The following DNAH6 variants were observed in gnomAD, a reference collection of about 807,000 sequenced individuals.
The protein encoded by DNAH6 is axonemal beta dynein heavy chain 6.
In DNAH6, 340 loss-of-function variants were observed where a neutral mutation model predicts 491.4. The ratio of observed to expected loss-of-function variants is 0.69; its 90% CI spans 0.63 to 0.76. The LOEUF (loss-of-function observed/expected upper bound fraction) is 0.76. Ranked by LOEUF, DNAH6 falls within the 30% of genes least tolerant of loss-of-function variation. The pLI, the probability that DNAH6 is intolerant of heterozygous loss-of-function variation, is 0.00. For missense variants in DNAH6, 4,443 were observed against 4,972.2 expected (o/e 0.89, Z 3.20); for synonymous variants, 1,603 against 1,686.1 (o/e 0.95, Z 1.21).
intron 40 of DNAH6, among the ~76,000 whole-genome samples, chr2:84,673,507 G>T (rs926405000): frequency 4.6e-5 from 7 of 152,142 alleles, no homozygotes; most frequent in Non-Finnish European, 8.8e-5. Flanking sequence ...TGTTAGTCAG[G>T]GTTCTCTAGA....
At chr2:84,611,911 CTTT>C (rs1461516670) in intron 22 of DNAH6, 57 bp downstream of exon 22, 3 of 1,429,172 alleles carry the variant, frequency 2.1e-6, no homozygotes, top group Non-Finnish European at 2.8e-6. Context: ...TAGTCTGGGA[CTTT>C]AGTCCCAGAC....
At chr2:84,690,096 A>AAATAAAT (rs1694697738) in intron 45 of DNAH6, among the ~76,000 whole-genome samples, 1 of 152,232 alleles carries the variant, frequency 6.6e-6, no homozygotes, top group Admixed American at 6.5e-5. Context: ...TGGAATAAAT[A>AAATAAAT]CAGTAAAATA....
chr2:84,558,423 A>T (rs909260690), intron 11 of DNAH6, among the ~76,000 whole-genome samples: 4 of 133,300 alleles, frequency 3.0e-5, no homozygotes, highest in Non-Finnish European at 6.4e-5. Context: ...GACTCCATCT[A>T]AAAAAAAAAA....
At chr2:84,677,666 A>G (rs529849679) in intron 41 of DNAH6, among the ~76,000 whole-genome samples, 3 of 152,260 alleles carry the variant, frequency 2.0e-5, no homozygotes, top group African/African-American at 7.2e-5. Context: ...CATCCTTTAT[A>G]TGGGAAAAAT....
chr2:84,475,424 C>CT, the DNAH6 span, among the ~76,000 whole-genome samples: 377 of 152,320 alleles, frequency 2.5e-3, no homozygotes, highest in African/African-American at 8.6e-3. Context: ...CAGTGATGGC[C>CT]TTTTTCACAA....
Position 84,653,793 on chromosome 2 carries a change from A to G in DNAH6, c.5553A>G (p.Thr1851=), listed in dbSNP as rs1690685126. 2 of 1,551,504 alleles carry G rather than the reference A, an allele frequency of 1.3e-6. No homozygotes were observed. Among genetic ancestry groups the G allele is most frequent in the Non-Finnish European group, 1.7e-6 (2 of 1,146,732 alleles). The change falls in exon 34 of 77, where the codon ACA becomes ACG. Residue 1851 remains threonine (T), a synonymous_variant. Coordinates refer to ENST00000389394, the MANE Select transcript of DNAH6 (RefSeq NM_001370.2). ...VDALWIENMN[T]VLDDNKMLCL... Reference sequence around the variant, plus strand: ...CTCTTTGGATTGAAAACATGAATACAGTGCTGGATGATAACAAGATGCTTT... The same window carrying G: ...CTCTTTGGATTGAAAACATGAATACGGTGCTGGATGATAACAAGATGCTTT...
chr2:84,636,730 A>T (rs538155361), intron 30 of DNAH6, among the ~76,000 whole-genome samples: 1 of 152,126 alleles, frequency 6.6e-6, no homozygotes, highest in South Asian at 2.1e-4. Flanking sequence ...TTTAAGATGA[A>T]TTTACAATTA....
At chr2:84,611,596 T>A in intron 21 of DNAH6, 78 bp from the exon 22 acceptor site, 1 of 1,229,706 alleles carries the variant, frequency 8.1e-7, no homozygotes, top group Non-Finnish European at 1.1e-6. Context: ...AGTGATTCCC[T>A]GTGTCATGAT....
At position 84,654,782 on chromosome 2, in the gene DNAH6, A is replaced by T. The variant is rs1312590858; in HGVS notation, c.5757A>T (p.Lys1919Asn). The T allele has an allele frequency of 1.9e-6, 3 of 1,550,622 alleles. No homozygotes were observed. Among genetic ancestry groups the T allele is most frequent in the Admixed American group, 3.9e-5 (2 of 50,950 alleles). Residue 1919 changes from lysine (K) to asparagine (N), a missense_variant and splice_region_variant, in exon 35 of 77, where the codon AAA (lysine) becomes AAT (asparagine). Around this residue, in one of 3 missense-constraint regions of DNAH6, gnomAD observed 2,977 missense variants for 3,296.6 expected, o/e 0.90. Coordinates refer to ENST00000389394, the MANE Select transcript of DNAH6 (RefSeq NM_001370.2). ...VKTWMKGISK[K>N]LTEETQEYIL... Reference sequence around the variant, plus strand: ...CTTGGATGAAGGGTATTTCTAAAAAAGTAAGTGCCATCAGATATTCCCCAA... The same window carrying T: ...CTTGGATGAAGGGTATTTCTAAAAATGTAAGTGCCATCAGATATTCCCCAA...
At chr2:84,788,424 C>T (rs1309511246) in intron 68 of DNAH6, among the ~76,000 whole-genome samples, 4 of 152,104 alleles carry the variant, frequency 2.6e-5, no homozygotes, top group African/African-American at 4.8e-5. Flanking sequence ...TAACAGCAGA[C>T]TGTTACACCC....
At chr2:84,532,999 G>C (rs1415877412) in intron 4 of DNAH6, among the ~76,000 whole-genome samples, 13 of 152,248 alleles carry the variant, frequency 8.5e-5, no homozygotes, top group Admixed American at 3.3e-4. Context: ...GTACACGTAT[G>C]AGAAAAATAT....
intron 64 of DNAH6, chr2:84,777,929 A>T (rs958161730): frequency 1.8e-6 from 2 of 1,084,828 alleles, no homozygotes; most frequent in African/African-American, 3.1e-5. Flanking sequence ...GACCAAATTA[A>T]GACGGCTTTC....
intron 63 of DNAH6, among the ~76,000 whole-genome samples, chr2:84,760,326 A>AG (rs1213074935): frequency 6.6e-6 from 1 of 152,234 alleles, no homozygotes; most frequent in East Asian, 1.9e-4. Flanking sequence ...TAATTATCTA[A>AG]GAAGCTTCTG....
chr2:84,580,316 G>GCACACACACACACACACACA (rs36209367), intron 14 of DNAH6, among the ~76,000 whole-genome samples: 4 of 149,174 alleles, frequency 2.7e-5, no homozygotes, highest in African/African-American at 9.9e-5. Flanking sequence ...ACATACACAC[G>GCACACACACACACACACACA]CACACACACA....
intron 42 of DNAH6, among the ~76,000 whole-genome samples, chr2:84,684,988 G>C (rs1694136864): frequency 1.3e-5 from 2 of 152,126 alleles, no homozygotes; most frequent in African/African-American, 4.8e-5. Context: ...ATATACTTTA[G>C]TATATTTTAA....
intron 58 of DNAH6, 60 bp downstream of exon 58, chr2:84,715,687 G>A: frequency 6.9e-7 from 1 of 1,456,768 alleles, no homozygotes; most frequent in Non-Finnish European, 9.4e-7. Flanking sequence ...TAAATATTTT[G>A]TTTAGAAATA....
chr2:84,506,546 T>C, the DNAH6 span, among the ~76,000 whole-genome samples: 1,355 of 152,366 alleles, frequency 8.9e-3, 11 homozygotes, highest in African/African-American at 0.031. Flanking sequence ...GTGGTTTCTT[T>C]TGCTGTGCAG....
rs1266502931 is a variant in DNAH6, at chr2:84,787,243, A to C, written c.11180A>C (p.Asn3727Thr). Residue 3727 changes from asparagine (N) to threonine (T), a missense_variant, in exon 68 of 77, where the codon AAT (asparagine) becomes ACT (threonine). Transcript: ENST00000389394. ...NDSDRECALL[N>T]LKLYCKEGKI... Reference sequence around the variant, plus strand: ...AGTGACAGGGAATGTGCTTTACTGAATCTCAAACTCTATTGTAAAGAAGGA... The same window carrying C: ...AGTGACAGGGAATGTGCTTTACTGACTCTCAAACTCTATTGTAAAGAAGGA... 7 of 1,546,632 alleles carry C rather than the reference A, an allele frequency of 4.5e-6. No individual in the cohort carries two copies. In the African/African-American group the frequency reaches 9.6e-5, roughly 21 times the overall value.
At chr2:84,474,727 GA>G in the DNAH6 span, among the ~76,000 whole-genome samples, 1 of 152,166 alleles carries the variant, frequency 6.6e-6, no homozygotes, top group African/African-American at 2.4e-5. Flanking sequence ...AAGGAACTTT[GA>G]AAAACTTCTG....
Sources: allele counts gnomAD v4.1 joint callset (sites outside exome capture counted in the v4.1 genomes callset), GRCh38; gene constraint gnomAD v4.1.1; regional missense constraint gnomAD v4.1.1; transcripts MANE v1.5; gene names NCBI Gene and HGNC (gene_info 2026-07-23, HGNC 2026-07-21).